Variants in FHIP2A observed in about 807,000 individuals in gnomAD.
FHIP2A encodes the protein FHF complex subunit HOOK interacting protein 2A.
A neutral mutation model predicts 93.5 loss-of-function variants in FHIP2A; 46 were observed. The ratio of observed to expected loss-of-function variants is 0.49; its 90% CI spans 0.39 to 0.63. The LOEUF (loss-of-function observed/expected upper bound fraction) is 0.63. Ranked by LOEUF, FHIP2A falls within the 20% of genes least tolerant of loss-of-function variation. The pLI, the probability that FHIP2A is intolerant of heterozygous loss-of-function variation, is 0.00. For missense variants in FHIP2A, 769 were observed against 909.7 expected (o/e 0.85, Z 1.99); for synonymous variants, 332 against 326.5 (o/e 1.02, Z -0.18).
intron 16 of FHIP2A, among the ~76,000 whole-genome samples, chr10:114,885,263 C>T (rs778627250): frequency 4.6e-5 from 7 of 152,014 alleles, no homozygotes; most frequent in Middle Eastern, 3.4e-3. Flanking sequence ...GGCGTGGTAG[C>T]AAGCATCTGT....
At chr10:114,881,022 T>C (rs1371060313) in intron 16 of FHIP2A, among the ~76,000 whole-genome samples, 2 of 152,172 alleles carry the variant, frequency 1.3e-5, no homozygotes, top group Non-Finnish European at 2.9e-5. Context: ...CAGAAAGCCT[T>C]GGAGACAGTG....
chr10:114,843,239 C>G lies in FHIP2A; in HGVS notation c.816+13C>G, dbSNP rs779274579. The stretch of plus-strand genomic sequence containing the variant: ...TACTAGAAGTCCTGTGAGTTATGGT[C>G]CTTACTTTTTCCCCCCTAACATTAT... On this transcript the variant is annotated intron_variant, in intron 6 of 16. Coordinates refer to ENST00000369248, the MANE Select transcript of FHIP2A (RefSeq NM_020940.4). The G allele has an allele frequency of 2.6e-6, 4 of 1,546,408 alleles. No individual in the cohort carries two copies. Among genetic ancestry groups the G allele is most frequent in the Non-Finnish European group, 2.6e-6 (3 of 1,134,964 alleles).
intron 14 of FHIP2A, 90 bp downstream of exon 14, chr10:114,855,430 CT>C: frequency 2.7e-6 from 3 of 1,118,440 alleles, no homozygotes; most frequent in Non-Finnish European, 3.8e-6. Flanking sequence ...CAATAAAGTA[CT>C]TTTATTGTTT....
chr10:114,863,197 T>C lies in FHIP2A; in HGVS notation c.*1657T>C, dbSNP rs2083810611. On this transcript the variant is annotated 3_prime_UTR_variant, in exon 17 of 17. Coordinates refer to ENST00000369248, the MANE Select transcript of FHIP2A (RefSeq NM_020940.4). Reference sequence around the variant, plus strand: ...ACAGAAGTGGGAGATAGTTATTTTGTGCGTAATTTTCTTTAAATCATTTTG... The same window carrying C: ...ACAGAAGTGGGAGATAGTTATTTTGCGCGTAATTTTCTTTAAATCATTTTG... 1.0e-6 allele frequency: 1 copy of C among 980,548 alleles called. No individual in the cohort carries two copies. The highest frequency in any genetic ancestry group is 1.2e-6 in the Non-Finnish European group (1 of 825,500). 60.7% of individuals were successfully genotyped at this position (980,548 alleles called of 1,614,324 possible).
At position 114,864,163 on chromosome 10, in the gene FHIP2A, T is replaced by C. The variant is rs917166705; in HGVS notation, c.*2623T>C. The C allele has an allele frequency of 4.1e-5, 40 of 978,406 alleles. No individual in the cohort carries two copies. Among genetic ancestry groups the C allele is most frequent in the Non-Finnish European group, 4.7e-5 (39 of 823,144 alleles). The allele number at this position is 978,406 out of a possible 1,614,324, so 60.6% of individuals were successfully genotyped here. A position where few individuals can be genotyped will look rare whatever the true frequency, so the allele number is the denominator to read the frequency against. On this transcript the variant is annotated 3_prime_UTR_variant, in exon 17 of 17. Coordinates refer to ENST00000369248, the MANE Select transcript of FHIP2A (RefSeq NM_020940.4). ...CAAAATTCTTAGCTCGCTTACACTG[T>C]TGCTAGTGTAAACATTGTTACACTT...
At chr10:114,831,887 C>T (rs187823203) in intron 2 of FHIP2A, among the ~76,000 whole-genome samples, 32 of 152,328 alleles carry the variant, frequency 2.1e-4, no homozygotes, top group African/African-American at 7.7e-4. Flanking sequence ...CCATATCAAA[C>T]TTGATACATA....
chr10:114,887,904 T>A lies in FHIP2A; in HGVS notation c.2193-11586T>A, dbSNP rs187856173. Among the ~76,000 whole-genome samples the A allele has an allele frequency of 2.5e-3, 376 of 152,324 alleles. 3 individuals carry two copies. Among genetic ancestry groups the A allele is most frequent in the Non-Finnish European group, 1.9e-3 (131 of 68,020 alleles). On this transcript the variant is annotated intron_variant, in intron 16 of 16. Transcript: ENST00000369250. ...ACCGTCTATTCTCTGTATCTTTCTG[T>A]CAAACTCAAGGCTCCCAGAGAATGG...
chr10:114,840,073 A>G (rs1385025656), intron 5 of FHIP2A, among the ~76,000 whole-genome samples: 7 of 152,000 alleles, frequency 4.6e-5, no homozygotes, highest in Non-Finnish European at 8.8e-5. Context: ...GGTCATCAAG[A>G]AAGTCTTCCT....
chr10:114,824,494 T>A (rs932023033), intron 1 of FHIP2A, among the ~76,000 whole-genome samples: 5 of 152,246 alleles, frequency 3.3e-5, no homozygotes, highest in African/African-American at 1.2e-4. Flanking sequence ...TGTTTTCATT[T>A]GCTTAGACCT....
chr10:114,881,935 C>T (rs962720663), intron 16 of FHIP2A, among the ~76,000 whole-genome samples: 2 of 152,172 alleles, frequency 1.3e-5, no homozygotes, highest in Non-Finnish European at 2.9e-5. Flanking sequence ...TGTGCGTGCA[C>T]GTGCGCGTGT....
intron 16 of FHIP2A, among the ~76,000 whole-genome samples, chr10:114,873,492 G>T (rs547176421): frequency 2.0e-5 from 3 of 152,080 alleles, no homozygotes; most frequent in Non-Finnish European, 4.4e-5. Flanking sequence ...CAAAGTCACC[G>T]TAGATAGCTC....
Position 114,863,355 on chromosome 10 carries a change from T to TA in FHIP2A, c.*1816dup. 1.0e-6 allele frequency: 1 copy of TA among 990,302 alleles called. No individual in the cohort carries two copies. Among genetic ancestry groups the TA allele is most frequent in the Non-Finnish European group, 1.2e-6 (1 of 831,182 alleles). The allele number at this position is 990,302 out of a possible 1,614,324, so 61.3% of individuals were successfully genotyped here. On this transcript the variant is annotated 3_prime_UTR_variant, in exon 17 of 17. Coordinates refer to ENST00000369248, the MANE Select transcript of FHIP2A (RefSeq NM_020940.4). ...GTATTTAAACTAAGGCATTAAGAGA[T>TA]ATTAGATATTTCTTAATGTTTTCAT...
rs1211029398 is a variant in FHIP2A at position 114,862,319 on chromosome 10, T to C, written c.*779T>C. 2.0e-6 allele frequency: 2 copies of C among 987,582 alleles called. No homozygotes were observed. Among genetic ancestry groups the C allele is most frequent in the South Asian group, 9.4e-5 (2 of 21,382 alleles). 61.2% of individuals were successfully genotyped at this position (987,582 alleles called of 1,614,324 possible). A position where few individuals can be genotyped will look rare whatever the true frequency, so the allele number is the denominator to read the frequency against. The stretch of plus-strand genomic sequence containing the variant: ...GGTAGTGTTTGCTAAAATTGTATTT[T>C]TTTAAGCTAAGTAACATGTACTGGG... On this transcript the variant is annotated 3_prime_UTR_variant, in exon 17 of 17. Transcript: ENST00000369248.
chr10:114,842,837 A>G, intron 5 of FHIP2A, 96 bp from the exon 6 acceptor site: 1 of 740,284 alleles, frequency 1.4e-6, no homozygotes. Context: ...TACTTTGGCT[A>G]GGCATGTGGA....
chr10:114,863,990 G>C lies in FHIP2A; in HGVS notation c.*2450G>C. On this transcript the variant is annotated 3_prime_UTR_variant, in exon 17 of 17. Coordinates refer to ENST00000369248, the MANE Select transcript of FHIP2A (RefSeq NM_020940.4). ...GAACTCAGATTTGTCTTAGCCTATT[G>C]CCATATAGTACTCACCTTATAACTA... 9.5e-7 allele frequency: 1 copy of C among 1,058,170 alleles called. No homozygotes were observed. The highest frequency in any genetic ancestry group is 1.1e-6 in the Non-Finnish European group (1 of 873,200). The allele number at this position is 1,058,170 out of a possible 1,614,324, so 65.5% of individuals were successfully genotyped here.
intron 16 of FHIP2A, among the ~76,000 whole-genome samples, chr10:114,880,978 A>T (rs2083914123): frequency 6.6e-6 from 1 of 152,218 alleles, no homozygotes; most frequent in South Asian, 2.1e-4. Context: ...TCCATTTTAC[A>T]GAGGCCAATG....
intron 6 of FHIP2A, 22 bp from the exon 7 acceptor site, chr10:114,843,718 AG>A (rs1433836553): frequency 1.4e-6 from 2 of 1,477,328 alleles, no homozygotes; most frequent in Non-Finnish European, 1.8e-6. Context: ...CAAGAATTGA[AG>A]GGGGATTTTT....
chr10:114,830,946 G>A lies in FHIP2A; in HGVS notation c.124+16G>A, dbSNP rs1186632381. The A allele has an allele frequency of 1.4e-6, 2 of 1,425,252 alleles. No homozygotes were observed. The highest frequency in any genetic ancestry group is 4.9e-5 in the East Asian group (2 of 41,074). 88.3% of individuals were successfully genotyped at this position (1,425,252 alleles called of 1,614,324 possible). Reference sequence around the variant, plus strand: ...GAGACTTCAGGTAAGGAACAATGCTGATATTAACTGAAAATTTGTGAAAGT... The same window carrying A: ...GAGACTTCAGGTAAGGAACAATGCTAATATTAACTGAAAATTTGTGAAAGT... On this transcript the variant is annotated intron_variant, in intron 2 of 16. Coordinates refer to ENST00000369248, the MANE Select transcript of FHIP2A (RefSeq NM_020940.4).
At chr10:114,854,377 A>G (rs546411666) in intron 13 of FHIP2A, among the ~76,000 whole-genome samples, 505 of 152,272 alleles carry the variant, frequency 3.3e-3, no homozygotes, top group Non-Finnish European at 5.4e-3. Context: ...CTGTAATTCC[A>G]GCTACTTGGG....
Sources: gnomAD v4.1 joint callset for allele counts (sites outside exome capture counted in the v4.1 genomes callset) on GRCh38, gnomAD v4.1.1 for gene constraint, MANE v1.5 for transcripts, NCBI Gene and HGNC (gene_info 2026-07-23, HGNC 2026-07-21) for gene names.